GABRG3: variants seen among roughly 807,000 people sequenced by gnomAD.
GABRG3 encodes the protein gamma-aminobutyric acid receptor subunit gamma-3.
Under a neutral mutation model 48.8 loss-of-function variants are expected in GABRG3, and 25 were observed. The observed-to-expected ratio is 0.51, with a 90% CI of 0.37 to 0.72. The LOEUF (loss-of-function observed/expected upper bound fraction) is 0.72, where lower values mean the gene tolerates loss of function less well. GABRG3 is among the 30% of genes least tolerant of loss of function. The probability of loss-of-function intolerance (pLI) is 0.00; values close to 1 mark genes in which losing one functional copy is unlikely to be tolerated. For synonymous variants in GABRG3, 227 were observed against 217.6 expected (o/e 1.04, Z -0.38); for missense variants, 394 against 577.9 (o/e 0.68, Z 3.26).
chr15:27,226,178 G>A (rs537045299), intron 3 of GABRG3, among the ~76,000 whole-genome samples: 2 of 152,222 alleles, frequency 1.3e-5, no homozygotes, highest in South Asian at 4.1e-4. Context: ...GCCCAGGGAT[G>A]AGGACCTGGC....
At chr15:27,077,943 C>A (rs1241162548) in intron 3 of GABRG3, among the ~76,000 whole-genome samples, 1 of 152,170 alleles carries the variant, frequency 6.6e-6, no homozygotes, top group South Asian at 2.1e-4. Context: ...TCAGCCTCCC[C>A]GCCGGGGGTT....
chr15:27,445,704 T>G (rs1888924231), intron 5 of GABRG3, among the ~76,000 whole-genome samples: 1 of 152,228 alleles, frequency 6.6e-6, no homozygotes, highest in African/African-American at 2.4e-5. Flanking sequence ...TATTTTTATA[T>G]TTATATCTTT....
At chr15:27,338,952 A>G (rs1473314089) in intron 5 of GABRG3, among the ~76,000 whole-genome samples, 3 of 152,190 alleles carry the variant, frequency 2.0e-5, no homozygotes, top group Non-Finnish European at 2.9e-5. Context: ...GCCAGGTCAA[A>G]ATCTCCTTGT....
chr15:27,289,272 CT>C (rs548662687), intron 3 of GABRG3, among the ~76,000 whole-genome samples: 4 of 149,022 alleles, frequency 2.7e-5, no homozygotes, highest in Admixed American at 6.7e-5. Context: ...TGCCTCTACT[CT>C]TTTTTTTTTC....
At chr15:27,305,435 T>C (rs910721335) in intron 3 of GABRG3, among the ~76,000 whole-genome samples, 3 of 149,910 alleles carry the variant, frequency 2.0e-5, no homozygotes, top group Non-Finnish European at 3.0e-5. Context: ...CATGTCAACA[T>C]GTAAATTCTC....
intron 3 of GABRG3, among the ~76,000 whole-genome samples, chr15:27,032,861 C>G (rs749994958): frequency 2.0e-5 from 3 of 152,036 alleles, no homozygotes; most frequent in Non-Finnish European, 4.4e-5. Flanking sequence ...TAGGTCTGAG[C>G]TGGCATGGGG....
intron 3 of GABRG3, among the ~76,000 whole-genome samples, chr15:27,306,763 T>TAA: frequency 8.8e-6 from 1 of 113,152 alleles, no homozygotes; most frequent in Non-Finnish European, 1.7e-5. Context: ...TGTTTATATA[T>TAA]AAACATACAA....
chr15:27,044,949 C>T (rs1409193045), intron 3 of GABRG3, among the ~76,000 whole-genome samples: 1 of 152,206 alleles, frequency 6.6e-6, no homozygotes, highest in South Asian at 2.1e-4. Flanking sequence ...TTATTACACA[C>T]AGCTGGTATG....
At position 27,264,703 on chromosome 15, in the gene GABRG3, C is replaced by G. The variant is rs765513113; in HGVS notation, c.271-62106C>G. 1.3e-4 allele frequency among the ~76,000 whole-genome samples: 20 copies of G among 151,652 alleles called. 1 individual carries two copies. The highest frequency in any genetic ancestry group is 4.6e-4 in the Admixed American group (7 of 15,204). On this transcript the variant is annotated intron_variant, in intron 3 of 9. Transcript: ENST00000615808. ...AAAAGTAAACTCACCACACCTAAGT[C>G]AAAAAACCACCACCATCACCTTCAA... is the stretch of plus-strand genomic sequence containing the variant.
intron 2 of GABRG3, among the ~76,000 whole-genome samples, chr15:27,003,964 G>T (rs1895518484): frequency 6.7e-6 from 1 of 149,232 alleles, no homozygotes; most frequent in Non-Finnish European, 1.5e-5. Context: ...GGACGGGGCG[G>T]CTGGCCGGGC....
intron 5 of GABRG3, among the ~76,000 whole-genome samples, chr15:27,380,784 GACA>G (rs1272914818): frequency 1.5e-5 from 2 of 130,778 alleles, no homozygotes; most frequent in Admixed American, 1.6e-4. Context: ...TTTTTTTTGA[GACA>G]GCGAGTCTCA....
intron 2 of GABRG3, among the ~76,000 whole-genome samples, chr15:27,017,735 G>A (rs1895806110): frequency 6.6e-6 from 1 of 152,214 alleles, no homozygotes; most frequent in Non-Finnish European, 1.5e-5. Context: ...GCACTGGCCA[G>A]GGGTGCTGCA....
intron 5 of GABRG3, among the ~76,000 whole-genome samples, chr15:27,413,541 G>A (rs1887861188): frequency 6.6e-6 from 1 of 152,214 alleles, no homozygotes; most frequent in African/African-American, 2.4e-5. Context: ...TTATTTTCAA[G>A]TTGTGGTTAC....
chr15:27,353,916 A>G (rs1440404118), intron 5 of GABRG3, among the ~76,000 whole-genome samples: 1 of 152,046 alleles, frequency 6.6e-6, no homozygotes, highest in Non-Finnish European at 1.5e-5. Context: ...CTCCCACCCC[A>G]TGGGGCACCA....
intron 5 of GABRG3, among the ~76,000 whole-genome samples, chr15:27,472,064 T>C (rs1354686365): frequency 6.6e-6 from 1 of 152,240 alleles, no homozygotes. Flanking sequence ...TTGTATGTCA[T>C]ACAGTCTTCC....
intron 5 of GABRG3, among the ~76,000 whole-genome samples, chr15:27,337,559 G>A (rs773505670): frequency 6.6e-5 from 10 of 152,134 alleles, no homozygotes; most frequent in Admixed American, 1.3e-4. Context: ...CAAGGCCACC[G>A]TGCTGCTGGA....
chr15:27,148,340 G>A (rs1898248020), intron 3 of GABRG3, among the ~76,000 whole-genome samples: 1 of 151,982 alleles, frequency 6.6e-6, no homozygotes, highest in East Asian at 1.9e-4. Flanking sequence ...AAAAAAAGAG[G>A]TTTATTTTAG....
chr15:27,306,639 T>C lies in GABRG3; in HGVS notation c.271-20170T>C, dbSNP rs192911106. 2.0e-3 allele frequency among the ~76,000 whole-genome samples: 134 copies of C among 65,680 alleles called. 3 individuals are homozygous for C. The highest frequency in any genetic ancestry group is 7.6e-3 in the African/African-American group (130 of 17,046). 43.1% of individuals were successfully genotyped at this position (65,680 alleles called of 152,430 possible). A position where few individuals can be genotyped will look rare whatever the true frequency, so the allele number is the denominator to read the frequency against. On this transcript the variant is annotated intron_variant, in intron 3 of 9. Coordinates refer to ENST00000615808, the MANE Select transcript of GABRG3 (RefSeq NM_033223.5). ...AACATATATAATATAAACATATATT[T>C]ATATATAAACATATATATGAACATG...
chr15:27,022,154 C>T (rs1422383647), intron 2 of GABRG3, among the ~76,000 whole-genome samples: 2 of 152,162 alleles, frequency 1.3e-5, no homozygotes, highest in South Asian at 2.1e-4. Context: ...TCCCCCTCTC[C>T]TCAATTTTTC....
Sources: gnomAD v4.1 joint callset for allele counts (sites outside exome capture counted in the v4.1 genomes callset) on GRCh38, gnomAD v4.1.1 for gene constraint, MANE v1.5 for transcripts, NCBI Gene and HGNC (gene_info 2026-07-23, HGNC 2026-07-21) for gene names.